The following SH3GLB1 variants were observed in gnomAD, a reference collection of about 807,000 sequenced individuals.
SH3GLB1 encodes the protein endophilin-B1.
SH3GLB1 carries 17 observed loss-of-function variants against 42.0 expected under a neutral mutation model. That is an observed-to-expected ratio of 0.40 (90% CI 0.28 to 0.61). SH3GLB1 has a LOEUF of 0.61. SH3GLB1 is among the 20% of genes least tolerant of loss of function. The probability of loss-of-function intolerance (pLI) is 0.36; values close to 1 mark genes in which losing one functional copy is unlikely to be tolerated. For missense variants in SH3GLB1, 355 were observed against 426.3 expected (o/e 0.83, Z 1.47); for synonymous variants, 132 against 146.6 (o/e 0.90, Z 0.72).
At chr1:86,705,069 C>A in intron 1 of SH3GLB1, 98 bp downstream of exon 1, 1 of 768,238 alleles carries the variant, frequency 1.3e-6, no homozygotes, top group Non-Finnish European at 2.0e-6. Flanking sequence ...CGCCGACCAC[C>A]CAGCGGGCCT....
At chr1:86,720,601 C>A (rs979181648) in intron 3 of SH3GLB1, among the ~76,000 whole-genome samples, 1 of 152,160 alleles carries the variant, frequency 6.6e-6, no homozygotes, top group African/African-American at 2.4e-5. Flanking sequence ...TCAGTAGCTT[C>A]TTTTCCTGTT....
At position 86,719,995 on chromosome 1, in the gene SH3GLB1, C is replaced by CAAAAA. The variant is rs570115346; in HGVS notation, c.343+378_343+382dup. ...TGGGCCACAGAACGAGACTCTGTCT[C>CAAAAA]AAAAAAAAAAAAAAAAAAAAAACAT... is the stretch of plus-strand genomic sequence containing the variant. On this transcript the variant is annotated intron_variant, in intron 3 of 8. Coordinates refer to ENST00000370558, the MANE Select transcript of SH3GLB1 (RefSeq NM_016009.5). Among the ~76,000 whole-genome samples the CAAAAA allele has an allele frequency of 2.4e-3, 147 of 62,394 alleles. 8 individuals carry two copies. Among genetic ancestry groups the CAAAAA allele is most frequent in the African/African-American group, 7.2e-3 (130 of 18,118 alleles). The allele number at this position is 62,394 out of a possible 152,430, so 40.9% of individuals were successfully genotyped here.
At chr1:86,737,030 C>G (rs1655812764) in intron 7 of SH3GLB1, among the ~76,000 whole-genome samples, 1 of 152,170 alleles carries the variant, frequency 6.6e-6, no homozygotes, top group Non-Finnish European at 1.5e-5. Context: ...TTTGGTTGAG[C>G]TTAAGTTGTG....
intron 1 of SH3GLB1, among the ~76,000 whole-genome samples, chr1:86,714,109 CTT>C (rs1282246334): frequency 6.6e-6 from 1 of 152,176 alleles, no homozygotes; most frequent in Non-Finnish European, 1.5e-5. Flanking sequence ...TTAGATCACT[CTT>C]TATAGGTGAT....
rs987066107 is a variant in SH3GLB1, at chr1:86,707,581, G to A, written c.72+2610G>A. On this transcript the variant is annotated intron_variant, in intron 1 of 8. Transcript: ENST00000370558. Reference sequence around the variant, plus strand: ...CTTTAATGTGTCTGTAATTGTTAGAGATACATACTGAAATGTTTATGGATA... The same window carrying A: ...CTTTAATGTGTCTGTAATTGTTAGAAATACATACTGAAATGTTTATGGATA... 3.8e-4 allele frequency among the ~76,000 whole-genome samples: 58 copies of A among 151,636 alleles called. 1 individual carries two copies. Among genetic ancestry groups the A allele is most frequent in the South Asian group, 2.1e-4 (1 of 4,804 alleles).
intron 3 of SH3GLB1, among the ~76,000 whole-genome samples, chr1:86,720,579 C>T (rs892791233): frequency 6.6e-6 from 1 of 152,208 alleles, no homozygotes; most frequent in Non-Finnish European, 1.5e-5. Flanking sequence ...TAACATGAGA[C>T]TGTTACAGAT....
rs369846427 is a variant in SH3GLB1, at chr1:86,724,427, T to C, written c.570+22T>C. 51 of 1,503,394 alleles carry C rather than the reference T, an allele frequency of 3.4e-5. No homozygotes were observed. In the Middle Eastern group the frequency reaches 3.4e-3, roughly 99 times the overall value. The allele number at this position is 1,503,394 out of a possible 1,614,324, so 93.1% of individuals were successfully genotyped here. ...TTCAGTAAGTAAATAGAAAAATATTTTTGATTAATAACTTTAAGATTTGTA... is the reference window on the plus strand; with the variant it reads ...TTCAGTAAGTAAATAGAAAAATATTCTTGATTAATAACTTTAAGATTTGTA... On this transcript the variant is annotated intron_variant, in intron 5 of 8. Transcript: ENST00000370558.
At chr1:86,720,245 A>G (rs1400391572) in intron 3 of SH3GLB1, among the ~76,000 whole-genome samples, 2 of 152,142 alleles carry the variant, frequency 1.3e-5, no homozygotes, top group African/African-American at 2.4e-5. Flanking sequence ...TGATATTGCA[A>G]TTATTGTTTG....
intron 5 of SH3GLB1, chr1:86,730,310 T>C (rs1361107051): frequency 1.0e-6 from 1 of 985,278 alleles, no homozygotes; most frequent in African/African-American, 1.7e-5. Context: ...GCTGCAGAGA[T>C]GTGGTTTGCA....
At chr1:86,723,238 G>A (rs263462) in intron 4 of SH3GLB1, among the ~76,000 whole-genome samples, 15,665 of 152,226 alleles carry the variant, frequency 0.1, 1,261 homozygotes, top group African/African-American at 0.21. Flanking sequence ...GCAGCCGGGC[G>A]TGATGGCTAA....
At chr1:86,725,478 A>G (rs1570271783) in intron 5 of SH3GLB1, among the ~76,000 whole-genome samples, 1 of 152,162 alleles carries the variant, frequency 6.6e-6, no homozygotes, top group South Asian at 2.1e-4. Flanking sequence ...TTATTCCAGA[A>G]TTTGAAAATA....
chr1:86,713,428 C>A (rs74097419), intron 1 of SH3GLB1, among the ~76,000 whole-genome samples: 2,951 of 152,104 alleles, frequency 0.019, 103 homozygotes, highest in African/African-American at 0.068. Flanking sequence ...TTCTATTAAT[C>A]TATTCTTGGT....
At chr1:86,739,659 T>A (rs1387643257) in intron 7 of SH3GLB1, among the ~76,000 whole-genome samples, 1 of 152,116 alleles carries the variant, frequency 6.6e-6, no homozygotes, top group Non-Finnish European at 1.5e-5. Flanking sequence ...AGCAATTTTT[T>A]GCTTGTTTTT....
intron 5 of SH3GLB1, among the ~76,000 whole-genome samples, chr1:86,725,699 T>C (rs1655157743): frequency 6.6e-6 from 1 of 152,150 alleles, no homozygotes; most frequent in South Asian, 2.1e-4. Context: ...AGTTCTCTTG[T>C]TTGGGAGATA....
intron 7 of SH3GLB1, among the ~76,000 whole-genome samples, chr1:86,739,528 G>A (rs1655954185): frequency 6.6e-6 from 1 of 152,164 alleles, no homozygotes; most frequent in South Asian, 2.1e-4. Flanking sequence ...AGTAATGTTT[G>A]TAATATAAGA....
chr1:86,719,607 G>A lies in SH3GLB1; in HGVS notation c.315G>A (p.Gly105=), dbSNP rs1570419276. 6.2e-7 allele frequency: 1 copy of A among 1,610,014 alleles called. No homozygotes were observed. The highest frequency in any genetic ancestry group is 8.5e-7 in the Non-Finnish European group (1 of 1,177,992). ...TGGGACAATATATGATTGATGCAGGGACTGAGTTTGGCCCAGGAACAGCTT... is the reference window on the plus strand; with the variant it reads ...TGGGACAATATATGATTGATGCAGGAACTGAGTTTGGCCCAGGAACAGCTT... The part of the protein sequence containing the change: ...ELLGQYMIDA[G]TEFGPGTAYG... Residue 105 remains glycine (G), a synonymous_variant, in exon 3 of 9, where the codon GGG becomes GGA. Coordinates refer to ENST00000370558, the MANE Select transcript of SH3GLB1 (RefSeq NM_016009.5).
chr1:86,714,941 A>G (rs1654424626), intron 1 of SH3GLB1, among the ~76,000 whole-genome samples: 1 of 152,250 alleles, frequency 6.6e-6, no homozygotes, highest in South Asian at 2.1e-4. Context: ...ATACCAGTAT[A>G]TTCAATAATA....
rs1378959505 is a variant in SH3GLB1 at position 86,744,788 on chromosome 1, G to C, written c.*1553G>C. 1.3e-5 allele frequency: 2 copies of C among 152,206 alleles called. No individual in the cohort carries two copies. Among genetic ancestry groups the C allele is most frequent in the Admixed American group, 1.3e-4 (2 of 15,286 alleles). The allele number at this position is 152,206 out of a possible 1,614,324, so 9.4% of individuals were successfully genotyped here. A position where few individuals can be genotyped will look rare whatever the true frequency, so the allele number is the denominator to read the frequency against. On this transcript the variant is annotated 3_prime_UTR_variant, in exon 9 of 9. Transcript: ENST00000370558. ...AAACATGTTGACAATTTAACTCACA[G>C]TCTAAACTTTAAAAGTAGTAGTTAC...
chr1:86,717,434 G>A (rs1654598659), intron 2 of SH3GLB1, among the ~76,000 whole-genome samples: 1 of 151,800 alleles, frequency 6.6e-6, no homozygotes, highest in Non-Finnish European at 1.5e-5. Context: ...GTTTTGTTTT[G>A]TTTGAGACAG....
Sources: allele counts gnomAD v4.1 joint callset (sites outside exome capture counted in the v4.1 genomes callset), GRCh38; gene constraint gnomAD v4.1.1; transcripts MANE v1.5; gene names NCBI Gene and HGNC (gene_info 2026-07-23, HGNC 2026-07-21).